PDK3: variants seen among roughly 807,000 people sequenced by gnomAD.
The protein encoded by PDK3 is pyruvate dehydrogenase kinase 3.
In PDK3, 12 loss-of-function variants were observed where a neutral mutation model predicts 32.0. The ratio of observed to expected loss-of-function variants is 0.37; its 90% CI spans 0.24 to 0.61. PDK3 has a LOEUF of 0.61. Ranked by LOEUF, PDK3 falls within the 20% of genes least tolerant of loss-of-function variation. The pLI, the probability that PDK3 is intolerant of heterozygous loss-of-function variation, is 0.65. For missense variants in PDK3, 188 were observed against 316.9 expected (o/e 0.59, Z 3.09); for synonymous variants, 122 against 116.3 (o/e 1.05, Z -0.31).
chrX:24,479,949 TAAG>T lies in PDK3; in HGVS notation c.106+14393_106+14395del, dbSNP rs777390080. On this transcript the variant is annotated intron_variant, in intron 1 of 10. Coordinates refer to ENST00000379162, the MANE Select transcript of PDK3 (RefSeq NM_005391.5). ...TTAGGAAACTGAAGTTCTGAGCGGG[TAAG>T]AAGATGACTCACACGTATAATAGGT... Among the ~76,000 whole-genome samples the T allele has an allele frequency of 5.4e-5, 6 of 111,720 alleles. No homozygotes were observed. The East Asian group carries it at 1.4e-3, about 26-fold the overall frequency.
intron 3 of PDK3, among the ~76,000 whole-genome samples, chrX:24,500,265 A>G (rs1214813520): frequency 8.9e-6 from 1 of 112,170 alleles, no homozygotes; most frequent in Admixed American, 9.5e-5. Context: ...CTGTTTACAT[A>G]GCATTTACAT....
At chrX:24,511,271 T>C (rs763191202) in intron 5 of PDK3, among the ~76,000 whole-genome samples, 5 of 112,798 alleles carry the variant, frequency 4.4e-5, no homozygotes, top group Admixed American at 9.3e-5. Flanking sequence ...AGTTGGTATT[T>C]TCACCCTGGC....
intron 9 of PDK3, among the ~76,000 whole-genome samples, chrX:24,530,455 G>A (rs765630454): frequency 2.2e-4 from 25 of 111,854 alleles, no homozygotes; most frequent in African/African-American, 6.5e-4. Context: ...CCTTATAGCA[G>A]CTCTGAGGTC....
intron 5 of PDK3, among the ~76,000 whole-genome samples, chrX:24,510,940 C>T (rs1022726759): frequency 4.5e-5 from 5 of 112,256 alleles, no homozygotes; most frequent in African/African-American, 1.6e-4. Context: ...TTCCTATGGA[C>T]CCTCCTCTTA....
intron 6 of PDK3, among the ~76,000 whole-genome samples, chrX:24,525,022 C>T (rs1351166297): frequency 1.6e-4 from 18 of 110,132 alleles, no homozygotes; most frequent in African/African-American, 4.0e-4. Flanking sequence ...CCAGGAGTGG[C>T]GGCGCACACC....
At chrX:24,504,204 C>A (rs1436503798) in intron 4 of PDK3, among the ~76,000 whole-genome samples, 1 of 112,137 alleles carries the variant, frequency 8.9e-6, no homozygotes, top group Non-Finnish European at 1.9e-5. Context: ...GACAAACCAT[C>A]TTTATTTTAG....
chrX:24,472,343 A>G (rs1262458950), intron 1 of PDK3, among the ~76,000 whole-genome samples: 1 of 112,026 alleles, frequency 8.9e-6, no homozygotes, highest in African/African-American at 3.2e-5. Context: ...GATGCAGTTA[A>G]TTTTTACATC....
chrX:24,533,776 A>C (rs1922710632), intron 10 of PDK3, among the ~76,000 whole-genome samples, 153 bp from the exon 11 acceptor site: 1 of 112,411 alleles, frequency 8.9e-6, no homozygotes, highest in African/African-American at 3.2e-5. Context: ...TTTCCTGGCC[A>C]GTCTAAGTAA....
exon 12 of PDK3, among the ~76,000 whole-genome samples, chrX:24,541,860 C>T (rs1462301416): frequency 1.8e-5 from 2 of 112,483 alleles, no homozygotes; most frequent in African/African-American, 6.5e-5. Flanking sequence ...CTTTCCCATT[C>T]CTCTGTACTG....
chrX:24,547,625 A>G (rs954772694), exon 12 of PDK3: 1 of 112,590 alleles, frequency 8.9e-6, no homozygotes, highest in Non-Finnish European at 1.9e-5. Flanking sequence ...TATATTTTCT[A>G]GTACAGGATT....
chrX:24,520,997 G>A, intron 6 of PDK3, among the ~76,000 whole-genome samples: 1 of 111,270 alleles, frequency 9.0e-6, no homozygotes, highest in Middle Eastern at 4.6e-3. Context: ...AGATAAACCA[G>A]GCCAGGCATG....
chrX:24,501,933 C>T (rs1184970298), intron 3 of PDK3, among the ~76,000 whole-genome samples: 1 of 111,896 alleles, frequency 8.9e-6, no homozygotes, highest in Non-Finnish European at 1.9e-5. Flanking sequence ...GTAAGGGTGA[C>T]GTTATTGGCA....
intron 6 of PDK3, 89 bp from the exon 7 acceptor site, chrX:24,526,109 A>C (rs1922517563): frequency 1.5e-6 from 1 of 682,037 alleles, no homozygotes; most frequent in South Asian, 2.5e-5. Context: ...GCTCTGTTTT[A>C]CACACTTGGA....
intron 9 of PDK3, among the ~76,000 whole-genome samples, chrX:24,530,449 A>AG (rs1922623522): frequency 8.9e-6 from 1 of 111,965 alleles, no homozygotes; most frequent in African/African-American, 3.2e-5. Flanking sequence ...TTTAATCCTT[A>AG]TAGCAGCTCT....
intron 1 of PDK3, among the ~76,000 whole-genome samples, chrX:24,481,494 T>A (rs756820556): frequency 1.8e-5 from 2 of 112,276 alleles, no homozygotes; most frequent in South Asian, 7.3e-4. Context: ...CAGTGGGAAC[T>A]TGAGCTTAGA....
chrX:24,497,532 C>T (rs1298772759), intron 2 of PDK3, among the ~76,000 whole-genome samples: 1 of 112,312 alleles, frequency 8.9e-6, no homozygotes, highest in East Asian at 2.8e-4. Flanking sequence ...GTAATCCACT[C>T]GCCTCAGCCT....
chrX:24,518,692 T>C (rs1922319071), intron 5 of PDK3, among the ~76,000 whole-genome samples: 1 of 111,424 alleles, frequency 9.0e-6, no homozygotes, highest in Admixed American at 9.5e-5. Flanking sequence ...TTGGAAAAAA[T>C]AGAAAAGAGA....
chrX:24,474,225 G>A (rs990648935), intron 1 of PDK3, among the ~76,000 whole-genome samples: 4 of 110,561 alleles, frequency 3.6e-5, no homozygotes, highest in Non-Finnish European at 5.7e-5. Context: ...AAGGGCAGGC[G>A]CTCACCTCTT....
At chrX:24,544,602 C>T (rs1186933898) in exon 12 of PDK3, among the ~76,000 whole-genome samples, 1 of 112,159 alleles carries the variant, frequency 8.9e-6, no homozygotes, top group Non-Finnish European at 1.9e-5. Context: ...TCATTAACTG[C>T]CCAGCAGTTG....
Sources: allele counts gnomAD v4.1 joint callset (sites outside exome capture counted in the v4.1 genomes callset), GRCh38; gene constraint gnomAD v4.1.1; transcripts MANE v1.5; gene names NCBI Gene and HGNC (gene_info 2026-07-23, HGNC 2026-07-21).